KIF3A: variants seen among roughly 807,000 people sequenced by gnomAD.
KIF3A encodes kinesin family member 3A, also known as kinesin-like protein KIF3A.
In KIF3A, 27 loss-of-function variants were observed where a neutral mutation model predicts 92.6. The ratio of observed to expected loss-of-function variants is 0.29; its 90% confidence interval spans 0.21 to 0.40. KIF3A has a LOEUF of 0.40. Among genes scored for constraint, KIF3A ranks in the 10% least tolerant of loss-of-function variants. The pLI, the probability that KIF3A is intolerant of heterozygous loss-of-function variation, is 1.00. For missense variants in KIF3A, 581 were observed against 872.6 expected (o/e 0.67, Z 4.21); for synonymous variants, 250 against 275.4 (o/e 0.91, Z 0.92).
Position 132,708,863 on chromosome 5 carries a change from G to C in KIF3A, c.1300+44C>G, listed in dbSNP as rs1374056948. On this transcript the variant is annotated intron_variant, in intron 10 of 18. Transcript: ENST00000403231. The stretch of plus-strand genomic sequence containing the variant: ...GCTCAAATGAAGCCCATGGGTTATG[G>C]AAAAGCCAAAGCTCTGTTAGAGAAT... 1.1e-5 allele frequency: 15 copies of C among 1,381,084 alleles called. No individual in the cohort carries two copies. The Middle Eastern group carries it at 5.3e-4, about 49-fold the overall frequency. 85.6% of individuals were successfully genotyped at this position (1,381,084 alleles called of 1,614,324 possible).
intron 8 of KIF3A, among the ~76,000 whole-genome samples, chr5:132,714,254 T>C (rs977498901): frequency 6.6e-6 from 1 of 152,156 alleles, no homozygotes; most frequent in Non-Finnish European, 1.5e-5. Context: ...GCAGAATGGT[T>C]GTTGGCCAGG....
At position 132,734,378 on chromosome 5, in the gene KIF3A, G is replaced by A. The variant is rs1162226754; in HGVS notation, c.107C>T (p.Ala36Val). The A allele has an allele frequency of 1.2e-6, 2 of 1,614,020 alleles. No individual in the cohort carries two copies. The highest frequency in any genetic ancestry group is 1.7e-6 in the Non-Finnish European group (2 of 1,180,018). Residue 36 changes from alanine (A) to valine (V), a missense_variant, in exon 2 of 19, where the codon GCT becomes GTT. By Grantham distance (64) the Ala-to-Val change is moderately conservative. Around this residue, in one of 5 missense-constraint regions of KIF3A, gnomAD observed 217 missense variants for 299.7 expected, o/e 0.72. Transcript: ENST00000403231. ...EREKSMCYKQ[A>V]VSVDEMRGTI... is the part of the protein sequence containing the mutation. ...TCCCCTCATCTCATCCACACTGACA[G>A]CCTGTTTGTAGCACATTGATTTCTC...
At chr5:132,697,610 G>A (rs1752881337) in intron 18 of KIF3A, 1 of 152,198 alleles carries the variant, frequency 6.6e-6, no homozygotes, top group African/African-American at 2.4e-5. Flanking sequence ...GAAGTCAGGG[G>A]TTCGAGACCA....
In KIF3A at chr5:132,706,477, T is replaced by C; in HGVS notation, c.1301-18A>G. 3 of 1,540,264 alleles carry C rather than the reference T, an allele frequency of 1.9e-6. No individual in the cohort carries two copies. Among genetic ancestry groups the C allele is most frequent in the Non-Finnish European group, 2.6e-6 (3 of 1,142,730 alleles). On this transcript the variant is annotated intron_variant, in intron 10 of 18. Transcript: ENST00000403231. ...TGCTTGATCTTGCAATAAGAAGTAGTAAGCAAATCGCAGACAGGAAGCAAT... is the reference window on the plus strand; with the variant it reads ...TGCTTGATCTTGCAATAAGAAGTAGCAAGCAAATCGCAGACAGGAAGCAAT...
intron 10 of KIF3A, among the ~76,000 whole-genome samples, chr5:132,707,485 TTTAAGAA>T (rs906325299): frequency 2.9e-4 from 27 of 94,084 alleles, no homozygotes; most frequent in African/African-American, 7.8e-4. Context: ...ATAACTACTC[TTTAAGAA>T]TTAAGTTTTA....
intron 8 of KIF3A, among the ~76,000 whole-genome samples, chr5:132,714,907 A>C (rs149453935): frequency 6.6e-6 from 1 of 152,320 alleles, no homozygotes; most frequent in African/African-American, 2.4e-5. Flanking sequence ...TATAAATACC[A>C]CCTAGTGGTC....
downstream of KIF3A, among the ~76,000 whole-genome samples, chr5:132,690,653 CGCGGTGGCTCAT>C (rs70974054): frequency 0.57 from 87,054 of 151,656 alleles, 27,679 homozygotes; most frequent in Non-Finnish European, 0.74. Context: ...TCAGGCCGGG[CGCGGTGGCTCAT>C]GCCTGTAATC....
chr5:132,699,475 T>C (rs1752952766), intron 17 of KIF3A, 180 bp from the exon 18 acceptor site: 2 of 669,328 alleles, frequency 3.0e-6, no homozygotes, highest in African/African-American at 3.6e-5. Flanking sequence ...TAAAGGTTGG[T>C]GAGTAAGAAG....
chr5:132,696,644 A>ACT lies in KIF3A; in HGVS notation c.2170_2171insAG (p.Leu724Ter). Reference sequence around the variant, plus strand: ...TTAAGTCTGTAACATTTACTGCAGTAAAGAGTCAATTACAGTTTCAGGCTT... The same window carrying ACT: ...TTAAGTCTGTAACATTTACTGCAGTACTAAGAGTCAATTACAGTTTCAGGCTT... ...SAKPETVIDS[L>*]LQ The change falls in exon 19 of 19, where the codon TTA becomes TAGTA. Residue 724 changes from leucine (L) to a stop codon, truncating the protein, a stop_gained and frameshift_variant. Coordinates refer to ENST00000403231, the MANE Select transcript of KIF3A (RefSeq NM_001300791.2). LOFTEE classifies it high-confidence loss of function. 6.2e-7 allele frequency: 1 copy of ACT among 1,606,294 alleles called. No individual in the cohort carries two copies.
intron 4 of KIF3A, among the ~76,000 whole-genome samples, chr5:132,725,620 A>G (rs1396830107): frequency 6.6e-6 from 1 of 152,168 alleles, no homozygotes; most frequent in Non-Finnish European, 1.5e-5. Context: ...TTCAGTTCCC[A>G]CATCAGTAAA....
chr5:132,736,477 T>C (rs1754392350), intron 1 of KIF3A, among the ~76,000 whole-genome samples: 1 of 152,246 alleles, frequency 6.6e-6, no homozygotes. Flanking sequence ...TTTTCACCTC[T>C]GCCCAAGAAG....
intron 1 of KIF3A, 151 bp downstream of exon 1, chr5:132,737,263 C>G: frequency 1.2e-6 from 1 of 848,686 alleles, no homozygotes; most frequent in Non-Finnish European, 1.7e-6. Flanking sequence ...GCTGACCAGC[C>G]AGGCTCTCCA....
chr5:132,714,934 A>T (rs553717702), intron 8 of KIF3A, among the ~76,000 whole-genome samples: 1 of 152,306 alleles, frequency 6.6e-6, no homozygotes, highest in South Asian at 2.1e-4. Flanking sequence ...AAAACACCAA[A>T]TTTCATTATC....
At chr5:132,717,098 G>T in intron 5 of KIF3A, 114 bp from the exon 6 acceptor site, 1 of 1,004,860 alleles carries the variant, frequency 1.0e-6, no homozygotes. Flanking sequence ...AAGCCAGAGA[G>T]CATGGCTAAA....
chr5:132,709,755 G>A (rs1753349719), intron 9 of KIF3A, among the ~76,000 whole-genome samples: 1 of 152,202 alleles, frequency 6.6e-6, no homozygotes, highest in African/African-American at 2.4e-5. Flanking sequence ...ACGGCTTCAT[G>A]TGAAAGCAGC....
Position 132,734,306 on chromosome 5 carries a change from G to A in KIF3A, c.179C>T (p.Thr60Ile), listed in dbSNP as rs1754322703. ...TCCAAAAACAGTATCAAAAGTAAAT[G>A]TCTTTGGAGGTTCATTGGAAGAATC... ...KTDSSNEPPKTFTFDTVFGPE... is the reference protein window; with the variant it reads ...KTDSSNEPPKIFTFDTVFGPE... Residue 60 changes from threonine (T) to isoleucine (I), a missense_variant, in exon 2 of 19, where the codon ACA becomes ATA. Coordinates refer to ENST00000403231, the MANE Select transcript of KIF3A (RefSeq NM_001300791.2). The A allele has an allele frequency of 1.2e-6, 2 of 1,614,032 alleles. No individual in the cohort carries two copies. The highest frequency in any genetic ancestry group is 1.7e-6 in the Non-Finnish European group (2 of 1,179,932).
At chr5:132,714,215 T>C (rs1753534549) in intron 8 of KIF3A, among the ~76,000 whole-genome samples, 1 of 152,062 alleles carries the variant, frequency 6.6e-6, no homozygotes, top group South Asian at 2.1e-4. Context: ...TTTCGTAAGA[T>C]ACCCAGAGCA....
chr5:132,702,409 T>C (rs529903960), intron 14 of KIF3A, 149 bp downstream of exon 14: 12 of 634,878 alleles, frequency 1.9e-5, no homozygotes, highest in African/African-American at 7.4e-5. Context: ...TTTAGACTAA[T>C]AGATAAAATT....
rs1184537641 is a variant in KIF3A at position 132,700,319 on chromosome 5, C to CT, written c.1939-36dup. 3 of 1,251,028 alleles carry CT rather than the reference C, an allele frequency of 2.4e-6. No homozygotes were observed. The African/African-American group carries it at 4.5e-5, about 19-fold the overall frequency. The allele number at this position is 1,251,028 out of a possible 1,614,324, so 77.5% of individuals were successfully genotyped here. On this transcript the variant is annotated intron_variant, in intron 16 of 18. Transcript: ENST00000403231. ...AGAAAAGGGAGAGACAGAGAAATGT[C>CT]TTAATTAGTAATCAATACTGTGAGT...
Sources: gnomAD v4.1 joint callset for allele counts (sites outside exome capture counted in the v4.1 genomes callset) on GRCh38, gnomAD v4.1.1 for gene constraint, gnomAD v4.1.1 regional missense constraint, MANE v1.5 for transcripts, NCBI Gene and HGNC (gene_info 2026-07-23, HGNC 2026-07-21) for gene names.